USP32: variants seen among roughly 807,000 people sequenced by gnomAD.
USP32 encodes ubiquitin carboxyl-terminal hydrolase 32.
A neutral mutation model predicts 204.8 loss-of-function variants in USP32; 59 were observed. That is an observed-to-expected ratio of 0.29 (90% CI 0.23 to 0.36). The LOEUF (loss-of-function observed/expected upper bound fraction) is 0.36, where lower values mean the gene tolerates loss of function less well. Among genes scored for constraint, USP32 ranks in the 10% least tolerant of loss-of-function variants. The pLI, the probability that USP32 is intolerant of heterozygous loss-of-function variation, is 1.00. For synonymous variants in USP32, 517 were observed against 678.4 expected (o/e 0.76, Z 3.70); for missense variants, 1,160 against 1,946.4 (o/e 0.60, Z 7.60).
At chr17:60,276,326 GGAGA>G (rs2086839021) in intron 5 of USP32, among the ~76,000 whole-genome samples, 1 of 152,086 alleles carries the variant, frequency 6.6e-6, no homozygotes, top group Non-Finnish European at 1.5e-5. Flanking sequence ...TTATTTAAAA[GGAGA>G]GAGTATTTTA....
At chr17:60,339,665 A>T (rs2088610691) in intron 2 of USP32, among the ~76,000 whole-genome samples, 1 of 152,052 alleles carries the variant, frequency 6.6e-6, no homozygotes, top group African/African-American at 2.4e-5. Context: ...AATGTATAAC[A>T]GTAAGTCTTC....
At chr17:60,308,204 T>C (rs2087773763) in intron 2 of USP32, among the ~76,000 whole-genome samples, 1 of 152,202 alleles carries the variant, frequency 6.6e-6, no homozygotes, top group Non-Finnish European at 1.5e-5. Flanking sequence ...ACCCTTGCGA[T>C]AATGCAGAGG....
chr17:60,317,450 A>T (rs917779122), intron 2 of USP32, among the ~76,000 whole-genome samples: 6 of 151,716 alleles, frequency 4.0e-5, no homozygotes, highest in African/African-American at 1.5e-4. Flanking sequence ...AAGGAGGTCA[A>T]GGCTACAGTG....
intron 1 of USP32, among the ~76,000 whole-genome samples, chr17:60,415,463 G>A (rs757611287): frequency 1.1e-4 from 16 of 152,172 alleles, no homozygotes; most frequent in African/African-American, 3.6e-4. Context: ...AATCACTGCC[G>A]AGAAGGTCCA....
chr17:60,411,575 A>G (rs2090018709), intron 1 of USP32, among the ~76,000 whole-genome samples: 1 of 150,372 alleles, frequency 6.7e-6, no homozygotes, highest in Admixed American at 6.6e-5. Context: ...AGGTCTCACT[A>G]TGTTCCCCTG....
At chr17:60,284,402 G>C (rs917540584) in intron 5 of USP32, among the ~76,000 whole-genome samples, 6 of 150,052 alleles carry the variant, frequency 4.0e-5, no homozygotes, top group Non-Finnish European at 8.9e-5. Flanking sequence ...TTTTTTTTTA[G>C]TAGAGACAGG....
At chr17:60,313,598 G>T (rs948811806) in intron 2 of USP32, among the ~76,000 whole-genome samples, 9 of 151,986 alleles carry the variant, frequency 5.9e-5, no homozygotes, top group African/African-American at 2.2e-4. Flanking sequence ...GGATTAGAAA[G>T]CGGAATAGTA....
At chr17:60,390,806 T>C (rs2146141922) in intron 1 of USP32, among the ~76,000 whole-genome samples, 1 of 152,342 alleles carries the variant, frequency 6.6e-6, no homozygotes, top group African/African-American at 2.4e-5. Context: ...CTGTTAACAA[T>C]AATGCCTAGC....
chr17:60,180,725 G>T, intron 32 of USP32, 88 bp from the exon 33 acceptor site: 1 of 1,300,700 alleles, frequency 7.7e-7, no homozygotes, highest in Non-Finnish European at 1.1e-6. Context: ...GGAGAACACT[G>T]ATCATGTAAA....
chr17:60,237,599 G>A (rs1004830338), intron 11 of USP32, among the ~76,000 whole-genome samples: 7 of 151,890 alleles, frequency 4.6e-5, no homozygotes, highest in African/African-American at 1.7e-4. Flanking sequence ...TACCCACTTC[G>A]CCCAGACCTT....
At chr17:60,315,807 G>A (rs1407336543) in intron 2 of USP32, 1 of 152,318 alleles carries the variant, frequency 6.6e-6, no homozygotes, top group Non-Finnish European at 1.5e-5. Context: ...GGGAGCTGAA[G>A]AATAAGTAAA....
chr17:60,194,835 A>G (rs1438602751), intron 27 of USP32, among the ~76,000 whole-genome samples: 3 of 152,208 alleles, frequency 2.0e-5, no homozygotes, highest in Non-Finnish European at 4.4e-5. Context: ...CTTTCACCCA[A>G]GAGAAACCTC....
At chr17:60,213,751 A>T in intron 17 of USP32, 89 bp from the exon 18 acceptor site, 2 of 1,493,720 alleles carry the variant, frequency 1.3e-6, no homozygotes, top group Non-Finnish European at 1.8e-6. Context: ...TTAAAAAAAC[A>T]ACTTCTTTGT....
Position 60,360,128 on chromosome 17 carries a change from A to G in USP32, c.59-14520T>C, listed in dbSNP as rs150677509. On this transcript the variant is annotated intron_variant, in intron 1 of 33. Coordinates refer to ENST00000300896, the MANE Select transcript of USP32 (RefSeq NM_032582.4). ...CGTGATCCACCTGCCTCAGCCTCCT[A>G]AAGTGCTGGGATTACAAGCGTGAGC... is the stretch of plus-strand genomic sequence containing the variant. 9.8e-3 allele frequency among the ~76,000 whole-genome samples: 1,491 copies of G among 151,830 alleles called. 19 individuals carry two copies. The highest frequency in any genetic ancestry group is 0.053 in the East Asian group (268 of 5,022).
chr17:60,267,559 G>A (rs1188773697), intron 7 of USP32, among the ~76,000 whole-genome samples: 4 of 150,290 alleles, frequency 2.7e-5, no homozygotes, highest in African/African-American at 7.4e-5. Context: ...ATGGCGTCTC[G>A]CTCTGTCACC....
chr17:60,361,469 C>T (rs1344568674), intron 1 of USP32, among the ~76,000 whole-genome samples: 1 of 152,066 alleles, frequency 6.6e-6, no homozygotes, highest in Non-Finnish European at 1.5e-5. Flanking sequence ...TAGGCTGTTA[C>T]CCGTCATGAA....
chr17:60,418,178 A>G (rs2090077091), intron 1 of USP32, among the ~76,000 whole-genome samples: 1 of 151,188 alleles, frequency 6.6e-6, no homozygotes, highest in East Asian at 2.0e-4. Flanking sequence ...GGCTGGTCTC[A>G]AACTCCCGAC....
rs368388553 is a variant in USP32 at position 60,229,910 on chromosome 17, T to C, written c.1240-3679A>G. 1.4e-3 allele frequency among the ~76,000 whole-genome samples: 213 copies of C among 152,064 alleles called. 1 individual carries two copies. The highest frequency in any genetic ancestry group is 4.8e-3 in the African/African-American group (200 of 41,478). On this transcript the variant is annotated intron_variant, in intron 12 of 33. Transcript: ENST00000300896. ...GTCACTGCAACCTCTGCCTCCTGGG[T>C]TCAAGCAATTCTCCTGCCTCAGCCT...
At chr17:60,295,941 T>C (rs1321349997) in intron 3 of USP32, among the ~76,000 whole-genome samples, 1 of 152,096 alleles carries the variant, frequency 6.6e-6, no homozygotes, top group Non-Finnish European at 1.5e-5. Context: ...TACCATTTAT[T>C]TAAAACTTTA....
Sources: allele counts gnomAD v4.1 joint callset (sites outside exome capture counted in the v4.1 genomes callset), GRCh38; gene constraint gnomAD v4.1.1; transcripts MANE v1.5; gene names NCBI Gene and HGNC (gene_info 2026-07-23, HGNC 2026-07-21).